IL1RL2: variants seen among roughly 807,000 people sequenced by gnomAD.
IL1RL2 encodes interleukin-1 receptor-like 2.
A neutral mutation model predicts 66.8 loss-of-function variants in IL1RL2; 68 were observed. That is an observed-to-expected ratio of 1.02 (90% CI 0.84 to 1.25). The LOEUF (loss-of-function observed/expected upper bound fraction) is 1.25. Among genes scored for constraint, IL1RL2 ranks in the 50% most tolerant of loss-of-function variants. IL1RL2 has a pLI of 0.00. For missense variants in IL1RL2, 729 were observed against 709.3 expected (o/e 1.03, Z -0.32); for synonymous variants, 305 against 264.6 (o/e 1.15, Z -1.48).
intron 5 of IL1RL2, among the ~76,000 whole-genome samples, chr2:102,203,563 T>G (rs150748870): frequency 6.6e-6 from 1 of 152,064 alleles, no homozygotes; most frequent in Non-Finnish European, 1.5e-5. Context: ...TTAATAAAGA[T>G]ACTTTATTAA....
chr2:102,234,081 C>T (rs1649495180), intron 10 of IL1RL2, among the ~76,000 whole-genome samples: 1 of 152,148 alleles, frequency 6.6e-6, no homozygotes, highest in Non-Finnish European at 1.5e-5. Flanking sequence ...AGAGAAACCT[C>T]CCTTTCCCAA....
chr2:102,198,663 T>C (rs927609987), intron 4 of IL1RL2, among the ~76,000 whole-genome samples: 1 of 152,196 alleles, frequency 6.6e-6, no homozygotes, highest in Admixed American at 6.5e-5. Flanking sequence ...TTTATTTTTA[T>C]TTTTTTCTGG....
intron 4 of IL1RL2, among the ~76,000 whole-genome samples, chr2:102,194,234 A>G (rs2104722177): frequency 1.3e-5 from 2 of 152,268 alleles, no homozygotes; most frequent in South Asian, 4.1e-4. Flanking sequence ...AATCATATGT[A>G]GTGTTTATGT....
intron 11 of IL1RL2, 93 bp from the exon 12 acceptor site, chr2:102,239,099 T>C (rs1046267758): frequency 4.6e-6 from 5 of 1,080,854 alleles, no homozygotes; most frequent in Middle Eastern, 2.0e-4. Flanking sequence ...GACGGCAAGG[T>C]GGAGGTTTTC....
intron 4 of IL1RL2, among the ~76,000 whole-genome samples, chr2:102,193,995 G>A (rs1244152078): frequency 6.6e-6 from 1 of 151,926 alleles, no homozygotes; most frequent in East Asian, 1.9e-4. Context: ...CATATAAAAT[G>A]CAGAAATCAT....
chr2:102,236,024 C>T (rs868709243), intron 11 of IL1RL2: 15 of 788,448 alleles, frequency 1.9e-5, no homozygotes, highest in African/African-American at 1.1e-4. Context: ...CTGTGAGAGA[C>T]GCAATTAGCA....
At chr2:102,188,537 G>A (rs1247508798) in intron 2 of IL1RL2, among the ~76,000 whole-genome samples, 1 of 140,382 alleles carries the variant, frequency 7.1e-6, no homozygotes, top group African/African-American at 2.6e-5. Flanking sequence ...GCAGTGAGCC[G>A]AGATTGAGCC....
chr2:102,234,249 C>T (rs946159047), intron 10 of IL1RL2, among the ~76,000 whole-genome samples: 5 of 152,292 alleles, frequency 3.3e-5, no homozygotes, highest in African/African-American at 7.2e-5. Context: ...TTTTTAAAAA[C>T]GTGTTCATCT....
chr2:102,234,898 C>T lies in IL1RL2; in HGVS notation c.1299C>T (p.Ala433=), dbSNP rs184339998. The T allele has an allele frequency of 3.4e-5, 55 of 1,609,704 alleles. No homozygotes were observed. Among genetic ancestry groups the T allele is most frequent in the Admixed American group, 2.5e-4 (15 of 59,868 alleles). The change falls in exon 11 of 12, where the codon GCC becomes GCT. Residue 433 remains alanine, a splice_region_variant and synonymous_variant. Transcript: ENST00000264257. ...IFGRDEFPGQ[A]VANVIDENVK... ...TGAGCCTTCTTTCTTTATTTCCAGC[C>T]GTGGCCAATGTCATCGATGAAAACG...
At chr2:102,202,960 A>T (rs547233031) in intron 5 of IL1RL2, among the ~76,000 whole-genome samples, 1 of 152,314 alleles carries the variant, frequency 6.6e-6, no homozygotes, top group Admixed American at 6.5e-5. Context: ...CGTGTTCCAG[A>T]ACTTAGAGGA....
intron 5 of IL1RL2, among the ~76,000 whole-genome samples, chr2:102,211,298 T>A (rs1423442443): frequency 1.3e-5 from 2 of 151,978 alleles, no homozygotes; most frequent in African/African-American, 4.8e-5. Context: ...GGCAGACAAA[T>A]GGGAGAGGAA....
At chr2:102,187,809 C>T (rs763472146) in intron 1 of IL1RL2, 47 bp from the exon 2 acceptor site, 20 of 1,518,546 alleles carry the variant, frequency 1.3e-5, no homozygotes, top group Admixed American at 8.3e-5. Flanking sequence ...GCCTCGGGCC[C>T]GCCCTACTGC....
chr2:102,221,804 G>T lies in IL1RL2; in HGVS notation c.991+1787G>T, dbSNP rs533899955. Among the ~76,000 whole-genome samples the T allele has an allele frequency of 3.3e-5, 5 of 152,294 alleles. No individual in the cohort carries two copies. The South Asian group carries it at 1.0e-3, about 32-fold the overall frequency. ...GAGGAGGATAGCGACTTCCTTCCAC[G>T]ACTGTTGTAAGAATCAGCTGGAATT... On this transcript the variant is annotated intron_variant, in intron 8 of 11. Coordinates refer to ENST00000264257, the MANE Select transcript of IL1RL2 (RefSeq NM_003854.4).
chr2:102,222,987 A>G (rs925941635), intron 8 of IL1RL2, among the ~76,000 whole-genome samples: 2 of 152,184 alleles, frequency 1.3e-5, no homozygotes, highest in Non-Finnish European at 2.9e-5. Context: ...TTTTGAAAGC[A>G]CTGTGTTCCG....
chr2:102,225,461 G>A (rs1035327767), intron 8 of IL1RL2, among the ~76,000 whole-genome samples: 10 of 152,208 alleles, frequency 6.6e-5, no homozygotes, highest in African/African-American at 2.2e-4. Context: ...GGCTGGGAAA[G>A]CAGTTACAAT....
intron 4 of IL1RL2, among the ~76,000 whole-genome samples, chr2:102,195,276 G>C (rs976775712): frequency 1.3e-5 from 2 of 152,154 alleles, no homozygotes; most frequent in African/African-American, 4.8e-5. Context: ...ATTTTCCTTT[G>C]TGATTAGTAC....
Position 102,239,479 on chromosome 2 carries a change from C to G in IL1RL2, c.*238C>G. ...GAGGGTGAGAGCTGGGGGTTATCCC[C>G]ATGGTCATGGAGGGTGAGGGCTGGT... On this transcript the variant is annotated 3_prime_UTR_variant, in exon 12 of 12. Transcript: ENST00000264257. The G allele has an allele frequency of 2.2e-6, 1 of 449,514 alleles. No individual in the cohort carries two copies. The highest frequency in any genetic ancestry group is 2.3e-5 in the South Asian group (1 of 43,506). The allele number at this position is 449,514 out of a possible 1,614,324, so 27.8% of individuals were successfully genotyped here. A position where few individuals can be genotyped will look rare whatever the true frequency, so the allele number is the denominator to read the frequency against.
intron 4 of IL1RL2, among the ~76,000 whole-genome samples, chr2:102,195,643 C>T (rs1385273887): frequency 1.6e-5 from 1 of 61,850 alleles, no homozygotes. Flanking sequence ...CTCTCTCTCT[C>T]TCTCTTTCTT....
At chr2:102,225,507 G>A in intron 8 of IL1RL2, among the ~76,000 whole-genome samples, 1 of 152,214 alleles carries the variant, frequency 6.6e-6, no homozygotes, top group Non-Finnish European at 1.5e-5. Flanking sequence ...AGAACCAGCT[G>A]GAGAAGGTGC....
Sources: allele counts gnomAD v4.1 joint callset (sites outside exome capture counted in the v4.1 genomes callset), GRCh38; gene constraint gnomAD v4.1.1; transcripts MANE v1.5; gene names NCBI Gene and HGNC (gene_info 2026-07-23, HGNC 2026-07-21).